Variants in PEX11G observed in about 807,000 individuals in gnomAD.
PEX11G encodes peroxisomal biogenesis factor 11 gamma.
A neutral mutation model predicts 22.5 loss-of-function variants in PEX11G; 20 were observed. That is an observed-to-expected ratio of 0.89 (90% CI 0.62 to 1.29). The LOEUF (loss-of-function observed/expected upper bound fraction) is 1.29. Among genes scored for constraint, PEX11G ranks in the 50% most tolerant of loss-of-function variants. The pLI is 0.00. For synonymous variants in PEX11G, 141 were observed against 154.5 expected, an observed-to-expected ratio of 0.91 and a Z score of 0.65; for missense variants, 347 against 331.3, an observed-to-expected ratio of 1.05 and a Z score of -0.37.
At chr19:7,486,049 A>G (rs761681420) in intron 1 of PEX11G, 23 bp from the exon 2 acceptor site, 49 of 1,566,598 alleles carry the variant, frequency 3.1e-5, no homozygotes, top group Middle Eastern at 2.3e-4. Flanking sequence ...AGAAGCAGTC[A>G]GTGTGGCCCT....
chr19:7,478,380 C>G lies in PEX11G; in HGVS notation c.429-4G>C. ...TTTCAGCAGCATCCACAGGGACCTG[C>G]AGCACCAGAGCCCGAGGGAGGATGC... is the stretch of plus-strand genomic sequence containing the variant. On this transcript the variant is annotated splice_region_variant and splice_polypyrimidine_tract_variant and intron_variant, in intron 3 of 4. Transcript: ENST00000221480. The G allele has an allele frequency of 6.2e-7, 1 of 1,608,556 alleles. No individual in the cohort carries two copies. The highest frequency in any genetic ancestry group is 1.1e-5 in the South Asian group (1 of 89,922).
chr19:7,478,448 G>A (rs989019138), intron 3 of PEX11G, 72 bp from the exon 4 acceptor site: 21 of 1,468,628 alleles, frequency 1.4e-5, no homozygotes, highest in Middle Eastern at 3.6e-4. Flanking sequence ...CGCTGGCCCC[G>A]GACATACAGT....
At chr19:7,488,725 C>A (rs2021774946) in intron 1 of PEX11G, among the ~76,000 whole-genome samples, 2 of 152,222 alleles carry the variant, frequency 1.3e-5, no homozygotes, top group South Asian at 4.1e-4. Flanking sequence ...TCGCTTGAAC[C>A]CGGGAAGCGG....
intron 2 of PEX11G, 36 bp downstream of exon 2, chr19:7,485,802 G>T (rs150429790): frequency 9.7e-6 from 15 of 1,542,690 alleles, no homozygotes; most frequent in Non-Finnish European, 1.3e-5. Flanking sequence ...ACTCAGGTCC[G>T]CACCCTACTC....
chr19:7,478,926 G>GC (rs1354883789), intron 3 of PEX11G, among the ~76,000 whole-genome samples: 1 of 152,146 alleles, frequency 6.6e-6, no homozygotes, highest in African/African-American at 2.4e-5. Flanking sequence ...TACCCAGTGG[G>GC]CAGCCTCTGT....
At chr19:7,481,289 TC>T (rs1196943128) in intron 3 of PEX11G, among the ~76,000 whole-genome samples, 1 of 150,056 alleles carries the variant, frequency 6.7e-6, no homozygotes, top group Admixed American at 6.6e-5. Flanking sequence ...AACCTCCACC[TC>T]CCCAAATTCA....
chr19:7,493,199 T>TA (rs1331067624), upstream of PEX11G: 8 of 144,514 alleles, frequency 5.5e-5, no homozygotes, highest in African/African-American at 2.1e-4. Context: ...TCTCTCTTTC[T>TA]GTTTTTGTTT....
intron 4 of PEX11G, 94 bp from the exon 5 acceptor site, chr19:7,477,530 C>T: frequency 9.2e-7 from 1 of 1,086,132 alleles, no homozygotes. Context: ...CAGCCCTGAG[C>T]CCCTGCCTGT....
Position 7,477,376 on chromosome 19 carries a change from T to A in PEX11G, c.552A>T (p.Ser184=). ...MEAQMQSEAL[S]LLSNLADLAN... ...CCAGGTCGGCCAGGTTGCTGAGAAG[T>A]GACAGCGCCTCCGACTGCATCTGCG... The change falls in exon 5 of 5, where the codon TCA becomes TCT. Residue 184 remains serine, a synonymous_variant. Coordinates refer to ENST00000221480, the MANE Select transcript of PEX11G (RefSeq NM_080662.4). 1 of 1,554,590 alleles carries A rather than the reference T, an allele frequency of 6.4e-7. No homozygotes were observed.
upstream of PEX11G, chr19:7,489,449 A>AT (rs1230152238): frequency 2.0e-6 from 2 of 996,068 alleles, no homozygotes; most frequent in Admixed American, 6.1e-5. Flanking sequence ...GACTGCTGTA[A>AT]TATCACAACA....
At chr19:7,485,670 C>T (rs2021612264) in intron 2 of PEX11G, among the ~76,000 whole-genome samples, 168 bp downstream of exon 2, 1 of 151,966 alleles carries the variant, frequency 6.6e-6, no homozygotes, top group African/African-American at 2.4e-5. Context: ...AGGGTTTTAC[C>T]ATGTTGGCCT....
chr19:7,486,020 C>A lies in PEX11G; in HGVS notation c.67G>T (p.Val23Leu). ...SYRGRDRLIR[V>L]LGYCCQLVGG... ...ACCAGCTGGCAGCAGTACCCCAGCA[C>A]TCGGATCTGTGGGAAACCAGAAGCA... Residue 23 changes from valine to leucine, a missense_variant, in exon 2 of 5, where the codon GTG becomes TTG. Transcript: ENST00000221480. 6.3e-7 allele frequency: 1 copy of A among 1,588,182 alleles called. No homozygotes were observed. The highest frequency in any genetic ancestry group is 8.6e-7 in the Non-Finnish European group (1 of 1,161,174).
rs2145973306 is a variant in PEX11G at position 7,485,820 on chromosome 19, C to A, written c.249+18G>T. 1 of 1,578,150 alleles carries A rather than the reference C, an allele frequency of 6.3e-7. No homozygotes were observed. The highest frequency in any genetic ancestry group is 1.1e-5 in the South Asian group (1 of 88,902). Reference sequence around the variant, plus strand: ...CAGGTCCGCACCCTACTCCCTAGAGCCCCACAAACCCTGTTACCTGTGCCC... The same window carrying A: ...CAGGTCCGCACCCTACTCCCTAGAGACCCACAAACCCTGTTACCTGTGCCC... On this transcript the variant is annotated intron_variant, in intron 2 of 4. Coordinates refer to ENST00000221480, the MANE Select transcript of PEX11G (RefSeq NM_080662.4).
intron 3 of PEX11G, 117 bp from the exon 4 acceptor site, chr19:7,478,493 G>A: frequency 9.3e-7 from 1 of 1,073,640 alleles, no homozygotes; most frequent in Non-Finnish European, 1.4e-6. Flanking sequence ...TAAACGGCCT[G>A]CCCTCTCCCT....
At chr19:7,480,323 C>T (rs1345781999) in intron 3 of PEX11G, among the ~76,000 whole-genome samples, 1 of 152,030 alleles carries the variant, frequency 6.6e-6, no homozygotes. Flanking sequence ...CCAGAGGTCA[C>T]GAGGCACCCA....
upstream of PEX11G, among the ~76,000 whole-genome samples, chr19:7,491,379 C>A (rs939704996): frequency 6.7e-6 from 1 of 150,336 alleles, no homozygotes; most frequent in Non-Finnish European, 1.5e-5. Flanking sequence ...AAGCAATTCT[C>A]CTGCCTCGGC....
chr19:7,490,824 A>T (rs1299668309), upstream of PEX11G, among the ~76,000 whole-genome samples: 1 of 151,762 alleles, frequency 6.6e-6, no homozygotes, highest in East Asian at 1.9e-4. Flanking sequence ...AAAGGGGTAG[A>T]GTGCAGCGGC....
At chr19:7,485,165 AT>A (rs1423284118) in intron 2 of PEX11G, among the ~76,000 whole-genome samples, 3 of 146,382 alleles carry the variant, frequency 2.0e-5, no homozygotes, top group South Asian at 2.1e-4. Context: ...TATAAAAAAA[AT>A]TTTTTTTGTT....
intron 1 of PEX11G, among the ~76,000 whole-genome samples, chr19:7,494,935 A>T (rs1284327892): frequency 6.6e-6 from 1 of 152,112 alleles, no homozygotes; most frequent in Non-Finnish European, 1.5e-5. Context: ...GCTGTTCCTT[A>T]CCAAGCACAG....
Sources: gnomAD v4.1 joint callset for allele counts (sites outside exome capture counted in the v4.1 genomes callset) on GRCh38, gnomAD v4.1.1 for gene constraint, MANE v1.5 for transcripts, NCBI Gene and HGNC (gene_info 2026-07-23, HGNC 2026-07-21) for gene names.